SUSD6: variants seen among roughly 807,000 people sequenced by gnomAD.
SUSD6 encodes sushi domain containing 6, also known as sushi domain-containing protein 6.
SUSD6 carries 16 observed loss-of-function variants against 28.4 expected under a neutral mutation model. The ratio of observed to expected loss-of-function variants is 0.56; its 90% confidence interval spans 0.38 to 0.86. The LOEUF is 0.86. Among genes scored for constraint, SUSD6 ranks in the 40% least tolerant of loss-of-function variants. The probability of loss-of-function intolerance (pLI) is 0.00; values close to 1 mark genes in which losing one functional copy is unlikely to be tolerated. For missense variants in SUSD6, 341 were observed against 384.2 expected (o/e 0.89, Z 0.94); for synonymous variants, 147 against 159.6 (o/e 0.92, Z 0.59).
At chr14:69,628,694 G>T (rs1372349178) in intron 1 of SUSD6, among the ~76,000 whole-genome samples, 1 of 150,014 alleles carries the variant, frequency 6.7e-6, no homozygotes, top group East Asian at 2.0e-4. Context: ...AACCAAGGTT[G>T]GAGTGATTCT....
chr14:69,631,459 G>A (rs771975371), intron 1 of SUSD6, among the ~76,000 whole-genome samples: 6 of 152,172 alleles, frequency 3.9e-5, no homozygotes, highest in Non-Finnish European at 5.9e-5. Context: ...ATCTGTGTAA[G>A]CTTGGATAGG....
At chr14:69,652,819 C>G (rs1166659454) in intron 1 of SUSD6, among the ~76,000 whole-genome samples, 1 of 152,200 alleles carries the variant, frequency 6.6e-6, no homozygotes, top group Non-Finnish European at 1.5e-5. Flanking sequence ...GTGGCAACAA[C>G]AAGCAAGTAA....
rs1371557856 is a variant in SUSD6, at chr14:69,611,652, G to C, written c.-257G>C. ...CCGCGTTCTATTCTCCGAAGCCGGC[G>C]ACCGCCCCACCTCCTCCCTCCCTCC... On this transcript the variant is annotated 5_prime_UTR_variant, in exon 1 of 6. Coordinates refer to ENST00000342745, the MANE Select transcript of SUSD6 (RefSeq NM_014734.4). The C allele has an allele frequency of 6.6e-6, 1 of 151,556 alleles. No individual in the cohort carries two copies. The highest frequency in any genetic ancestry group is 2.4e-5 in the African/African-American group (1 of 41,316). The allele number at this position is 151,556 out of a possible 1,614,324, so 9.4% of individuals were successfully genotyped here.
chr14:69,701,351 G>A (rs1466184553), intron 2 of SUSD6, among the ~76,000 whole-genome samples: 1 of 152,084 alleles, frequency 6.6e-6, no homozygotes, highest in Non-Finnish European at 1.5e-5. Context: ...CCCTGAGACT[G>A]TCCTTCCCAG....
intron 1 of SUSD6, among the ~76,000 whole-genome samples, chr14:69,639,767 T>C (rs1885321561): frequency 6.6e-6 from 1 of 152,164 alleles, no homozygotes; most frequent in African/African-American, 2.4e-5. Flanking sequence ...TGTTGTGGGA[T>C]GTTTAGTTGA....
chr14:69,635,595 C>CCACACACA (rs3048696), intron 1 of SUSD6, among the ~76,000 whole-genome samples: 3,050 of 143,528 alleles, frequency 0.021, 40 homozygotes, highest in Middle Eastern at 0.04. Context: ...CCAAGGCACA[C>CCACACACA]CACACACACA....
chr14:69,703,315 C>T, intron 2 of SUSD6, 80 bp from the exon 3 acceptor site: 1 of 1,084,208 alleles, frequency 9.2e-7, no homozygotes, highest in Non-Finnish European at 1.4e-6. Flanking sequence ...CCTGTAGAGG[C>T]CTTCAGAGCT....
intron 1 of SUSD6, among the ~76,000 whole-genome samples, chr14:69,650,657 G>C (rs1388470964): frequency 6.6e-6 from 1 of 152,128 alleles, no homozygotes. Context: ...CTCTTTTTCT[G>C]TCTGGTCTTA....
chr14:69,620,494 A>T (rs112913475), intron 1 of SUSD6, among the ~76,000 whole-genome samples: 5 of 152,354 alleles, frequency 3.3e-5, no homozygotes, highest in Non-Finnish European at 5.9e-5. Context: ...ACTTGCTGGC[A>T]TGGAGTTAGC....
intron 1 of SUSD6, among the ~76,000 whole-genome samples, chr14:69,645,085 G>T (rs184419263): frequency 2.6e-5 from 4 of 152,292 alleles, no homozygotes; most frequent in Non-Finnish European, 5.9e-5. Context: ...AGGAATCATG[G>T]TTTGGTTATA....
At position 69,712,414 on chromosome 14, in the gene SUSD6, CA is replaced by C. The variant is rs1886477190; in HGVS notation, c.*1437del. 6.6e-6 allele frequency: 1 copy of C among 152,220 alleles called. No homozygotes were observed. Among genetic ancestry groups the C allele is most frequent in the African/African-American group, 2.4e-5 (1 of 41,428 alleles). The allele number at this position is 152,220 out of a possible 1,614,324, so 9.4% of individuals were successfully genotyped here. A position where few individuals can be genotyped will look rare whatever the true frequency, so the allele number is the denominator to read the frequency against. On this transcript the variant is annotated 3_prime_UTR_variant, in exon 6 of 6. Coordinates refer to ENST00000342745, the MANE Select transcript of SUSD6 (RefSeq NM_014734.4). ...CTAGGCTGGGGTGGACGAACTCTGC[CA>C]ACTGCTGTCATCTTAGAAGATAGAT...
intron 1 of SUSD6, among the ~76,000 whole-genome samples, chr14:69,643,075 C>T (rs747967490): frequency 4.6e-5 from 7 of 152,158 alleles, no homozygotes; most frequent in African/African-American, 1.2e-4. Flanking sequence ...TTAAGTGGGG[C>T]AGTAGTAGGG....
At chr14:69,625,523 C>T (rs943855148) in intron 1 of SUSD6, among the ~76,000 whole-genome samples, 4 of 152,166 alleles carry the variant, frequency 2.6e-5, no homozygotes, top group Admixed American at 6.5e-5. Context: ...GGAGGCTTCT[C>T]GGATGTGCAG....
chr14:69,653,011 G>A (rs532402825), intron 1 of SUSD6, among the ~76,000 whole-genome samples: 1 of 152,270 alleles, frequency 6.6e-6, no homozygotes, highest in African/African-American at 2.4e-5. Flanking sequence ...CAGAGTCTAC[G>A]GAGATAGTCA....
intron 2 of SUSD6, among the ~76,000 whole-genome samples, chr14:69,687,426 A>G (rs901388218): frequency 6.6e-6 from 1 of 152,226 alleles, no homozygotes; most frequent in Non-Finnish European, 1.5e-5. Flanking sequence ...TATGATTTTA[A>G]GCTGTCAGAT....
intron 1 of SUSD6, among the ~76,000 whole-genome samples, chr14:69,631,605 GACTA>G (rs563224045): frequency 3.6e-3 from 555 of 152,290 alleles, no homozygotes; most frequent in Non-Finnish European, 5.5e-3. Flanking sequence ...TGTGCGCAGT[GACTA>G]AGCACTCAAA....
At chr14:69,656,384 A>G (rs1885583529) in intron 1 of SUSD6, among the ~76,000 whole-genome samples, 1 of 152,156 alleles carries the variant, frequency 6.6e-6, no homozygotes, top group African/African-American at 2.4e-5. Context: ...TCCACTGGTT[A>G]TTGCCTTGAG....
chr14:69,630,892 T>G (rs1378238382), intron 1 of SUSD6, among the ~76,000 whole-genome samples: 1 of 152,212 alleles, frequency 6.6e-6, no homozygotes, highest in Non-Finnish European at 1.5e-5. Flanking sequence ...AAAAGCAATC[T>G]TAAATGCACG....
At chr14:69,679,845 G>A (rs142390380) in intron 2 of SUSD6, among the ~76,000 whole-genome samples, 18 of 152,082 alleles carry the variant, frequency 1.2e-4, no homozygotes, top group African/African-American at 1.9e-4. Flanking sequence ...ATATTTTCTC[G>A]TAGAAGTTTT....
Sources: allele counts gnomAD v4.1 joint callset (sites outside exome capture counted in the v4.1 genomes callset), GRCh38; gene constraint gnomAD v4.1.1; transcripts MANE v1.5; gene names NCBI Gene and HGNC (gene_info 2026-07-23, HGNC 2026-07-21).